Variants in ACAP2 observed in about 807,000 individuals in gnomAD.
The protein encoded by ACAP2 is ArfGAP with coiled-coil, ankyrin repeat and PH domains 2, also known as arf-GAP with coiled-coil, ANK repeat and PH domain-containing protein 2.
Under a neutral mutation model 115.8 loss-of-function variants are expected in ACAP2, and 39 were observed. The observed-to-expected ratio is 0.34, with a 90% CI of 0.26 to 0.44. The LOEUF is 0.44. ACAP2 is among the 20% of genes least tolerant of loss of function. The pLI, the probability that ACAP2 is intolerant of heterozygous loss-of-function variation, is 1.00. For synonymous variants in ACAP2, 289 were observed against 315.8 expected (o/e 0.92, Z 0.90); for missense variants, 662 against 927.6 (o/e 0.71, Z 3.72).
At chr3:195,407,198 T>C in intron 1 of ACAP2, among the ~76,000 whole-genome samples, 1 of 105,788 alleles carries the variant, frequency 9.5e-6, no homozygotes, top group East Asian at 5.6e-4. Flanking sequence ...ACATTTTTAG[T>C]TTAAAAAAAA....
At position 195,293,255 on chromosome 3, in the gene ACAP2, G is replaced by C. The variant is rs1727388084; in HGVS notation, c.1766-803C>G. ...TAGACCAAACCTCACTTCATTCCTA[G>C]GATGGTCCAATACCATCCCAATTGG... On this transcript the variant is annotated intron_variant, in intron 18 of 22. Coordinates refer to ENST00000326793, the MANE Select transcript of ACAP2 (RefSeq NM_012287.6). Among the ~76,000 whole-genome samples, 5 of 152,104 alleles carry C rather than the reference G, an allele frequency of 3.3e-5. No individual in the cohort carries two copies. In the South Asian group the frequency reaches 1.0e-3, roughly 32 times the overall value.
At chr3:195,313,775 AAATT>A (rs1249018165) in intron 10 of ACAP2, among the ~76,000 whole-genome samples, 4 of 152,218 alleles carry the variant, frequency 2.6e-5, no homozygotes, top group Non-Finnish European at 5.9e-5. Context: ...ATCACTAAAT[AAATT>A]ATGTTAGTAT....
chr3:195,317,665 C>T (rs114566398), intron 10 of ACAP2, among the ~76,000 whole-genome samples: 2,025 of 152,190 alleles, frequency 0.013, 36 homozygotes, highest in African/African-American at 0.044. Flanking sequence ...TTTTAACAGA[C>T]ATTTAACAGA....
intron 10 of ACAP2, among the ~76,000 whole-genome samples, chr3:195,313,505 T>C (rs983359676): frequency 3.3e-5 from 5 of 152,192 alleles, no homozygotes; most frequent in African/African-American, 1.2e-4. Flanking sequence ...TTTCTCCCAA[T>C]TGCCCATCCC....
chr3:195,342,293 T>C (rs1272533634), intron 6 of ACAP2, among the ~76,000 whole-genome samples, 178 bp downstream of exon 6: 4 of 152,176 alleles, frequency 2.6e-5, no homozygotes, highest in African/African-American at 9.7e-5. Context: ...AAGGAATATA[T>C]ATCCATACAC....
chr3:195,335,844 A>ATAAAGAGTG (rs1365014311), intron 7 of ACAP2: 2 of 151,344 alleles, frequency 1.3e-5, no homozygotes, highest in African/African-American at 2.4e-5. Context: ...TTATCAAAAT[A>ATAAAGAGTG]TAAAGAGTGC....
rs754957296 is a variant in ACAP2, at chr3:195,306,592, G to A, written c.1035C>T (p.Ser345=). ...PTKSCMLQAD[S]EKLRQAWIKA... is the part of the protein sequence containing the mutation. Reference sequence around the variant, plus strand: ...TAATCCATGCCTGGCGCAGCTTTTCGGAATCTGCCTGGAGCATGCAACTTC... The same window carrying A: ...TAATCCATGCCTGGCGCAGCTTTTCAGAATCTGCCTGGAGCATGCAACTTC... The change falls in exon 13 of 23, where the codon TCC becomes TCT. Residue 345 remains serine, a synonymous_variant. Transcript: ENST00000326793. The A allele has an allele frequency of 8.7e-6, 14 of 1,612,232 alleles. No homozygotes were observed. The highest frequency in any genetic ancestry group is 4.5e-5 in the East Asian group (2 of 44,718).
intron 10 of ACAP2, among the ~76,000 whole-genome samples, chr3:195,313,602 A>C (rs1728898563): frequency 6.6e-6 from 1 of 152,238 alleles, no homozygotes; most frequent in Non-Finnish European, 1.5e-5. Context: ...TTATAATACA[A>C]AAGGCCAATA....
chr3:195,373,620 C>G (rs888455634), intron 4 of ACAP2, among the ~76,000 whole-genome samples: 2 of 152,084 alleles, frequency 1.3e-5, no homozygotes, highest in African/African-American at 4.8e-5. Context: ...TGAAGCAGTC[C>G]TTAAAATTTT....
chr3:195,439,881 C>T (rs922986258), intron 1 of ACAP2, among the ~76,000 whole-genome samples: 3 of 152,110 alleles, frequency 2.0e-5, no homozygotes, highest in African/African-American at 7.2e-5. Context: ...CCGTCCTCCA[C>T]CTCCCAAAGT....
intron 1 of ACAP2, among the ~76,000 whole-genome samples, chr3:195,398,776 C>T (rs1199429515): frequency 6.6e-6 from 1 of 152,072 alleles, no homozygotes; most frequent in Admixed American, 6.5e-5. Context: ...GTAACTGCTC[C>T]TACGTGCTCA....
chr3:195,429,029 A>C (rs1315737401), intron 1 of ACAP2, among the ~76,000 whole-genome samples: 2 of 152,214 alleles, frequency 1.3e-5, no homozygotes, highest in Non-Finnish European at 2.9e-5. Context: ...CAATCTATCC[A>C]TCATCAGGAG....
chr3:195,328,614 A>C (rs1172839836), intron 8 of ACAP2, among the ~76,000 whole-genome samples: 1 of 152,210 alleles, frequency 6.6e-6, no homozygotes, highest in African/African-American at 2.4e-5. Flanking sequence ...GAGTGGACTA[A>C]CCATCCTAGG....
Position 195,349,657 on chromosome 3 carries a change from C to CA in ACAP2, c.286-4341dup, listed in dbSNP as rs574216252. ...ATGCTCTTCTTTTCTAATTTGGGTC[C>CA]AGCAGAACGGCTCCACAAAGATGGG... On this transcript the variant is annotated intron_variant, in intron 4 of 22. Transcript: ENST00000326793. The CA allele has an allele frequency of 1.1e-4, 19 of 167,076 alleles. No individual in the cohort carries two copies. In the East Asian group the frequency reaches 3.5e-3, roughly 31 times the overall value. The allele number at this position is 167,076 out of a possible 1,614,324, so 10.3% of individuals were successfully genotyped here. A position where few individuals can be genotyped will look rare whatever the true frequency, so the allele number is the denominator to read the frequency against.
At position 195,365,473 on chromosome 3, in the gene ACAP2, T is replaced by C. The variant is rs191789773; in HGVS notation, c.285+15536A>G. Among the ~76,000 whole-genome samples, 8 of 152,192 alleles carry C rather than the reference T, an allele frequency of 5.3e-5. No individual in the cohort carries two copies. In the East Asian group the frequency reaches 1.5e-3, roughly 29 times the overall value. The stretch of plus-strand genomic sequence containing the variant: ...ACAAAATTATCAGGGCATTGTGGCA[T>C]ACACCTACCATCCTGAGGTGGGAGG... On this transcript the variant is annotated intron_variant, in intron 4 of 22. Transcript: ENST00000326793.
chr3:195,400,079 G>A (rs1018249699), intron 1 of ACAP2, among the ~76,000 whole-genome samples: 7 of 151,940 alleles, frequency 4.6e-5, no homozygotes, highest in African/African-American at 1.7e-4. Flanking sequence ...TCGGGGGGCT[G>A]AGGCAGGAGA....
intron 7 of ACAP2, chr3:195,336,448 C>T (rs765607589): frequency 6.6e-6 from 1 of 151,968 alleles, no homozygotes; most frequent in Non-Finnish European, 1.5e-5. Context: ...CCAAATAATG[C>T]CAAAAATTAT....
At position 195,274,981 on chromosome 3, in the gene ACAP2, A is replaced by G. The variant is rs1726142866; in HGVS notation, c.*4347T>C. On this transcript the variant is annotated 3_prime_UTR_variant, in exon 23 of 23. Transcript: ENST00000326793. ...CTTTAAAATATACCTTTTCACAGGT[A>G]GCAAGAAATAGTACATGTAATAAGT... is the stretch of plus-strand genomic sequence containing the variant. 6.5e-6 allele frequency: 1 copy of G among 152,796 alleles called. No individual in the cohort carries two copies. Among genetic ancestry groups the G allele is most frequent in the South Asian group, 2.1e-4 (1 of 4,832 alleles). The allele number at this position is 152,796 out of a possible 1,614,324, so 9.5% of individuals were successfully genotyped here.
chr3:195,367,801 A>G (rs1240282054), intron 4 of ACAP2, among the ~76,000 whole-genome samples: 1 of 152,194 alleles, frequency 6.6e-6, no homozygotes, highest in African/African-American at 2.4e-5. Flanking sequence ...CCAAAGGGTG[A>G]AAGAAGCTCA....
Sources: allele counts gnomAD v4.1 joint callset (sites outside exome capture counted in the v4.1 genomes callset), GRCh38; gene constraint gnomAD v4.1.1; transcripts MANE v1.5; gene names NCBI Gene and HGNC (gene_info 2026-07-23, HGNC 2026-07-21).